UNC5C: variants seen among roughly 807,000 people sequenced by gnomAD.
UNC5C encodes unc-5 netrin receptor C, also known as netrin receptor UNC5C.
A neutral mutation model predicts 99.8 loss-of-function variants in UNC5C; 47 were observed. The ratio of observed to expected loss-of-function variants is 0.47; its 90% CI spans 0.37 to 0.60. UNC5C has a LOEUF of 0.60. Among genes scored for constraint, UNC5C ranks in the 20% least tolerant of loss-of-function variants. The probability of loss-of-function intolerance (pLI) is 0.00; values close to 1 mark genes in which losing one functional copy is unlikely to be tolerated. For synonymous variants in UNC5C, 487 were observed against 452.2 expected (o/e 1.08, Z -0.98); for missense variants, 1,062 against 1,165.9 (o/e 0.91, Z 1.30).
chr4:95,333,795 G>A (rs1388728076), intron 2 of UNC5C, among the ~76,000 whole-genome samples: 2 of 151,984 alleles, frequency 1.3e-5, no homozygotes, highest in Admixed American at 6.6e-5. Flanking sequence ...GTAAAGATAA[G>A]CCTGAATATG....
At chr4:95,463,645 T>C (rs1747677456) in intron 1 of UNC5C, among the ~76,000 whole-genome samples, 2 of 152,086 alleles carry the variant, frequency 1.3e-5, no homozygotes, top group African/African-American at 4.8e-5. Flanking sequence ...ATCAAAATAG[T>C]AGGGTATTTT....
chr4:95,502,591 C>T (rs1414043341), intron 1 of UNC5C, among the ~76,000 whole-genome samples: 1 of 152,120 alleles, frequency 6.6e-6, no homozygotes, highest in Non-Finnish European at 1.5e-5. Context: ...TATGGACAAA[C>T]ATTTTGTGCT....
chr4:95,446,009 G>A lies in UNC5C; in HGVS notation c.124+102725C>T, dbSNP rs553104645. Among the ~76,000 whole-genome samples, 4 of 152,150 alleles carry A rather than the reference G, an allele frequency of 2.6e-5. No individual in the cohort carries two copies. In the South Asian group the frequency reaches 8.3e-4, roughly 32 times the overall value. ...AACAAACAAAAAAAACAACGTGGGGGGGTGGAGTGGTTTTTATAAAGGTAG... is the reference window on the plus strand; with the variant it reads ...AACAAACAAAAAAAACAACGTGGGGAGGTGGAGTGGTTTTTATAAAGGTAG... On this transcript the variant is annotated intron_variant, in intron 1 of 15. Transcript: ENST00000453304.
At chr4:95,221,677 G>T (rs1341302949) in intron 7 of UNC5C, among the ~76,000 whole-genome samples, 2 of 152,162 alleles carry the variant, frequency 1.3e-5, no homozygotes, top group Admixed American at 1.3e-4. Context: ...GTCAATGTTA[G>T]CAAATTTTCT....
At chr4:95,180,615 A>AGAGT (rs1301256825) in intron 14 of UNC5C, among the ~76,000 whole-genome samples, 2 of 152,240 alleles carry the variant, frequency 1.3e-5, no homozygotes, top group Non-Finnish European at 2.9e-5. Flanking sequence ...TGAAATAATC[A>AGAGT]GAGTACATGT....
At chr4:95,328,915 G>T (rs545918025) in intron 2 of UNC5C, among the ~76,000 whole-genome samples, 1 of 152,266 alleles carries the variant, frequency 6.6e-6, no homozygotes, top group African/African-American at 2.4e-5. Context: ...ACTCGCCCCA[G>T]CTCCTGCACC....
At chr4:95,354,479 A>ATATATATATATATATATATATATATAT in intron 1 of UNC5C, among the ~76,000 whole-genome samples, 6 of 110,350 alleles carry the variant, frequency 5.4e-5, no homozygotes, top group African/African-American at 2.4e-4. Flanking sequence ...ATATATATAT[A>ATATATATATATATATATATATATATAT]TTTTTTTTTT....
chr4:95,185,523 C>CAGAG (rs1736796137), intron 12 of UNC5C, among the ~76,000 whole-genome samples: 1 of 151,952 alleles, frequency 6.6e-6, no homozygotes, highest in Non-Finnish European at 1.5e-5. Context: ...AACTCAAAAC[C>CAGAG]AGAGAGCCAT....
intron 1 of UNC5C, among the ~76,000 whole-genome samples, chr4:95,439,165 T>C (rs1746876451): frequency 6.6e-6 from 1 of 152,144 alleles, no homozygotes; most frequent in South Asian, 2.1e-4. Flanking sequence ...TACAGGCCCT[T>C]GCAGTAAGCA....
intron 3 of UNC5C, among the ~76,000 whole-genome samples, chr4:95,294,173 A>G (rs7698091): frequency 0.05 from 7,589 of 152,286 alleles, 596 homozygotes; most frequent in African/African-American, 0.17. Context: ...TTCTTTTTAA[A>G]TTGTGGCTAC....
chr4:95,169,232 G>A lies in UNC5C; in HGVS notation c.*2C>T. On this transcript the variant is annotated 3_prime_UTR_variant, in exon 16 of 16. Coordinates refer to ENST00000453304, the MANE Select transcript of UNC5C (RefSeq NM_003728.4). ...CCTTCATTTCCCCTTCCAGCATGGT[G>A]GTTAATACTGCCCTTCTGCTGCTAA... 1 of 1,613,994 alleles carries A rather than the reference G, an allele frequency of 6.2e-7. No homozygotes were observed. The highest frequency in any genetic ancestry group is 1.3e-5 in the African/African-American group (1 of 75,012).
At chr4:95,427,382 T>G (rs753935834) in intron 1 of UNC5C, among the ~76,000 whole-genome samples, 1 of 152,204 alleles carries the variant, frequency 6.6e-6, no homozygotes, top group Non-Finnish European at 1.5e-5. Flanking sequence ...AGTTCTACTA[T>G]GGGTAAAATA....
chr4:95,529,404 A>G (rs748646517), intron 1 of UNC5C, among the ~76,000 whole-genome samples: 2 of 149,828 alleles, frequency 1.3e-5, no homozygotes, highest in Non-Finnish European at 3.0e-5. Flanking sequence ...CCACATCTAT[A>G]CTTCTAGTCA....
chr4:95,487,036 G>A (rs183799847), intron 1 of UNC5C, among the ~76,000 whole-genome samples: 3 of 151,786 alleles, frequency 2.0e-5, no homozygotes, highest in Non-Finnish European at 3.0e-5. Flanking sequence ...ATGGAATGAT[G>A]CAGCAAGAAG....
chr4:95,171,726 T>C (rs1736120765), intron 14 of UNC5C, among the ~76,000 whole-genome samples: 4 of 151,784 alleles, frequency 2.6e-5, no homozygotes, highest in African/African-American at 9.7e-5. Flanking sequence ...TATAGCAGCA[T>C]GATTTATAGT....
chr4:95,411,600 G>A (rs1284450100), intron 1 of UNC5C, among the ~76,000 whole-genome samples: 1 of 152,198 alleles, frequency 6.6e-6, no homozygotes, highest in Non-Finnish European at 1.5e-5. Context: ...CAGGAAAAGT[G>A]CATGTATTTT....
chr4:95,404,195 A>G (rs1322921240), intron 1 of UNC5C, among the ~76,000 whole-genome samples: 1 of 152,214 alleles, frequency 6.6e-6, no homozygotes, highest in African/African-American at 2.4e-5. Context: ...GTCCAGGTAT[A>G]TCCCACATTT....
At chr4:95,221,525 G>A (rs924481317) in intron 7 of UNC5C, among the ~76,000 whole-genome samples, 4 of 152,178 alleles carry the variant, frequency 2.6e-5, no homozygotes, top group Non-Finnish European at 4.4e-5. Context: ...TATTAGCAGT[G>A]TAAATGAATT....
rs569114885 is a variant in UNC5C at position 95,466,061 on chromosome 4, T to C, written c.124+82673A>G. On this transcript the variant is annotated intron_variant, in intron 1 of 15. Transcript: ENST00000453304. ...AGTATGTGTTTCAATCATATGTTTT[T>C]AATGCTGAAGTCTTCAGCCCAGAGA... Among the ~76,000 whole-genome samples, 7 of 152,326 alleles carry C rather than the reference T, an allele frequency of 4.6e-5. No individual in the cohort carries two copies. In the South Asian group the frequency reaches 1.4e-3, roughly 32 times the overall value.
Sources: allele counts gnomAD v4.1 joint callset (sites outside exome capture counted in the v4.1 genomes callset), GRCh38; gene constraint gnomAD v4.1.1; transcripts MANE v1.5; gene names NCBI Gene and HGNC (gene_info 2026-07-23, HGNC 2026-07-21).